The following MYRIP variants were observed in gnomAD, a reference collection of about 807,000 sequenced individuals.
MYRIP encodes the protein rab effector MyRIP.
MYRIP carries 49 observed loss-of-function variants against 98.0 expected under a neutral mutation model. The observed-to-expected ratio is 0.50, with a 90% CI of 0.40 to 0.63. MYRIP has a LOEUF of 0.63. MYRIP is among the 30% of genes least tolerant of loss of function. The pLI, the probability that MYRIP is intolerant of heterozygous loss-of-function variation, is 0.00. For missense variants in MYRIP, 1,004 were observed against 1,058.2 expected (o/e 0.95, Z 0.71); for synonymous variants, 404 against 409.5 (o/e 0.99, Z 0.16).
At chr3:39,873,495 C>T (rs1403434289) in intron 1 of MYRIP, among the ~76,000 whole-genome samples, 1 of 152,108 alleles carries the variant, frequency 6.6e-6, no homozygotes, top group East Asian at 1.9e-4. Context: ...GTCTTTAATC[C>T]ATCTTGAATT....
intron 5 of MYRIP, among the ~76,000 whole-genome samples, chr3:40,166,013 A>G (rs1433387408): frequency 6.6e-6 from 1 of 152,128 alleles, no homozygotes; most frequent in African/African-American, 2.4e-5. Context: ...GTAAAATAGT[A>G]CCTATATGGC....
rs556477255 is a variant in MYRIP, at chr3:40,092,756, T to A, written c.332+48485T>A. On this transcript the variant is annotated intron_variant, in intron 3 of 16. Transcript: ENST00000302541. ...CCAAGTCACCCAGCAAATAAGGCAC[T>A]GAGCTTGGATTTGAAACAGTTTATT... is the stretch of plus-strand genomic sequence containing the variant. 6.0e-4 allele frequency among the ~76,000 whole-genome samples: 91 copies of A among 152,354 alleles called. No homozygotes were observed. In the South Asian group the frequency reaches 0.012, roughly 20 times the overall value.
intron 2 of MYRIP, among the ~76,000 whole-genome samples, chr3:39,954,970 G>GA (rs967897392): frequency 4.7e-5 from 7 of 150,308 alleles, no homozygotes; most frequent in South Asian, 2.1e-4. Context: ...GAGAAGTTTA[G>GA]AAAAAAAAAG....
chr3:39,907,877 G>A (rs959801506), intron 2 of MYRIP, among the ~76,000 whole-genome samples: 2 of 152,114 alleles, frequency 1.3e-5, no homozygotes, highest in East Asian at 3.9e-4. Context: ...GACACCTGCA[G>A]CAAGATATCC....
intron 2 of MYRIP, among the ~76,000 whole-genome samples, chr3:39,908,288 T>C (rs1440058849): frequency 6.6e-6 from 1 of 152,162 alleles, no homozygotes; most frequent in Non-Finnish European, 1.5e-5. Flanking sequence ...GCAGCTATGA[T>C]GTGTCAGCTC....
intron 16 of MYRIP, 62 bp from the exon 17 acceptor site, chr3:40,258,072 T>C: frequency 6.4e-7 from 1 of 1,573,974 alleles, no homozygotes; most frequent in East Asian, 2.2e-5. Context: ...ACATTATTTT[T>C]CATTGCTTCT....
At chr3:40,103,876 C>A (rs552852798) in intron 3 of MYRIP, among the ~76,000 whole-genome samples, 1 of 152,090 alleles carries the variant, frequency 6.6e-6, no homozygotes, top group Admixed American at 6.5e-5. Flanking sequence ...TATCTAGTAA[C>A]CTTTCCTACA....
chr3:39,894,307 C>T (rs183532230), intron 1 of MYRIP, among the ~76,000 whole-genome samples: 6 of 152,368 alleles, frequency 3.9e-5, no homozygotes, highest in Admixed American at 3.3e-4. Flanking sequence ...TAGCCACTGC[C>T]TTCCAGAGGG....
At chr3:40,076,440 C>T (rs1298658025) in intron 3 of MYRIP, among the ~76,000 whole-genome samples, 2 of 152,200 alleles carry the variant, frequency 1.3e-5, no homozygotes, top group African/African-American at 4.8e-5. Flanking sequence ...ATTGCCCAAC[C>T]ACAAACCATA....
chr3:40,252,054 ACT>A, intron 16 of MYRIP, 55 bp downstream of exon 16: 1 of 1,326,744 alleles, frequency 7.5e-7, no homozygotes, highest in Non-Finnish European at 1.1e-6. Context: ...TGGTACCTCC[ACT>A]CTGCAGCCTT....
chr3:39,836,437 G>T (rs924297421), intron 1 of MYRIP, among the ~76,000 whole-genome samples: 1 of 152,166 alleles, frequency 6.6e-6, no homozygotes, highest in Non-Finnish European at 1.5e-5. Flanking sequence ...TTTGGATGGG[G>T]TTGTTTGTTA....
chr3:39,862,104 C>G (rs1045192432), intron 1 of MYRIP, among the ~76,000 whole-genome samples: 1 of 152,180 alleles, frequency 6.6e-6, no homozygotes, highest in African/African-American at 2.4e-5. Flanking sequence ...AGGGGTGGGT[C>G]ACCTACAAAG....
At chr3:40,168,289 C>T (rs184698531) in intron 7 of MYRIP, among the ~76,000 whole-genome samples, 8 of 152,300 alleles carry the variant, frequency 5.3e-5, no homozygotes, top group South Asian at 4.1e-4. Context: ...AGATAGTAAC[C>T]GCATCCTAAG....
intron 10 of MYRIP, among the ~76,000 whole-genome samples, chr3:40,200,131 T>TTTTTTTTTTTTTTGAG (rs1553626079): frequency 6.7e-6 from 1 of 149,660 alleles, no homozygotes; most frequent in Non-Finnish European, 1.5e-5. Flanking sequence ...ATTTTCTTTT[T>TTTTTTTTTTTTTTGAG]ATCATAGGCC....
chr3:39,968,678 CTA>C (rs928602764), intron 2 of MYRIP, among the ~76,000 whole-genome samples: 1 of 152,066 alleles, frequency 6.6e-6, no homozygotes, highest in African/African-American at 2.4e-5. Flanking sequence ...TTTCATTGTT[CTA>C]TATACCTGTT....
At chr3:40,234,079 C>T in intron 12 of MYRIP, 26 bp downstream of exon 12, 1 of 1,566,770 alleles carries the variant, frequency 6.4e-7, no homozygotes, top group Non-Finnish European at 8.6e-7. Flanking sequence ...GGTGCCCTGT[C>T]TAGGGTGAAT....
chr3:39,986,926 TC>T (rs1402462732), intron 2 of MYRIP, among the ~76,000 whole-genome samples: 1 of 152,230 alleles, frequency 6.6e-6, no homozygotes, highest in East Asian at 1.9e-4. Flanking sequence ...CTTCCTTTGC[TC>T]CCCTTCTTTT....
intron 3 of MYRIP, among the ~76,000 whole-genome samples, chr3:40,073,468 A>G (rs1319607092): frequency 6.6e-6 from 1 of 152,122 alleles, no homozygotes. Context: ...GTCCCCACCT[A>G]GTTCCTGCCG....
chr3:40,036,148 G>T (rs1269989099), intron 2 of MYRIP, among the ~76,000 whole-genome samples: 1 of 151,582 alleles, frequency 6.6e-6, no homozygotes, highest in African/African-American at 2.4e-5. Context: ...CAAGCAAAAT[G>T]AATGCAAACA....
Sources: gnomAD v4.1 joint callset for allele counts (sites outside exome capture counted in the v4.1 genomes callset) on GRCh38, gnomAD v4.1.1 for gene constraint, MANE v1.5 for transcripts, NCBI Gene and HGNC (gene_info 2026-07-23, HGNC 2026-07-21) for gene names.